Variants in RPS5 observed in about 807,000 individuals in gnomAD.
The protein encoded by RPS5 is ribosomal protein S5.
In RPS5, 2 loss-of-function variants were observed where a neutral mutation model predicts 20.9. The observed-to-expected ratio is 0.10, with a 90% CI of 0.04 to 0.30. The LOEUF is 0.30. RPS5 is among the 10% of genes least tolerant of loss of function. The pLI is 1.00. For missense variants in RPS5, 122 were observed against 287.2 expected (o/e 0.42, Z 4.16); for synonymous variants, 112 against 105.8 (o/e 1.06, Z -0.36).
chr19:58,393,500 C>T lies in RPS5; in HGVS notation c.447+13C>T. The T allele has an allele frequency of 1.2e-6, 2 of 1,604,974 alleles. No homozygotes were observed. The highest frequency in any genetic ancestry group is 1.7e-6 in the Non-Finnish European group (2 of 1,177,172). Reference sequence around the variant, plus strand: ...CCGTGTGAACCAGGTGAGCCTGGGGCTTATGCACGTGGCAGGGTGGACACA... The same window carrying T: ...CCGTGTGAACCAGGTGAGCCTGGGGTTTATGCACGTGGCAGGGTGGACACA... On this transcript the variant is annotated intron_variant, in intron 4 of 5. Transcript: ENST00000196551.
In RPS5 at chr19:58,394,119, G is replaced by A. The variant is rs550316384; in HGVS notation, c.448-378G>A. 2.9e-3 allele frequency: 604 copies of A among 207,232 alleles called. 6 individuals carry two copies. Among genetic ancestry groups the A allele is most frequent in the African/African-American group, 0.013 (579 of 43,568 alleles). The allele number at this position is 207,232 out of a possible 1,614,324, so 12.8% of individuals were successfully genotyped here. A position where few individuals can be genotyped will look rare whatever the true frequency, so the allele number is the denominator to read the frequency against. ...CCTGGCCGCCTTTTTTGTTGTCGTC[G>A]GTTTTTTTGTTTGTAGAGGTGGGGT... On this transcript the variant is annotated intron_variant, in intron 4 of 5. Coordinates refer to ENST00000196551, the MANE Select transcript of RPS5 (RefSeq NM_001009.4).
chr19:58,389,158 G>C (rs2052347816), intron 2 of RPS5, among the ~76,000 whole-genome samples: 1 of 152,086 alleles, frequency 6.6e-6, no homozygotes, highest in African/African-American at 2.4e-5. Flanking sequence ...GCTTTTGTGA[G>C]CCCTTCCTCC....
chr19:58,388,365 G>C, intron 2 of RPS5, 120 bp downstream of exon 2: 1 of 709,344 alleles, frequency 1.4e-6, no homozygotes, highest in South Asian at 1.7e-5. Flanking sequence ...AGGTAAAGAA[G>C]GGATCCCTTG....
chr19:58,394,106 T>G (rs920580583), intron 4 of RPS5: 2 of 206,236 alleles, frequency 9.7e-6, no homozygotes, highest in Non-Finnish European at 2.0e-5. Flanking sequence ...TGGCCGCCTT[T>G]TTTGTTGTCG....
intron 2 of RPS5, 89 bp downstream of exon 2, chr19:58,388,334 G>A (rs1176288052): frequency 1.1e-6 from 1 of 880,792 alleles, no homozygotes; most frequent in Non-Finnish European, 1.9e-6. Context: ...GTGCCATTAA[G>A]TCAAGAATAG....
chr19:58,389,037 G>C (rs935179060), intron 2 of RPS5, among the ~76,000 whole-genome samples: 1 of 152,082 alleles, frequency 6.6e-6, no homozygotes, highest in Admixed American at 6.6e-5. Flanking sequence ...TTGCAATTGG[G>C]AAGTGTGAGT....
rs2052373346 is a variant in RPS5, at chr19:58,392,960, C to T, written c.109-16C>T. 6.2e-7 allele frequency: 1 copy of T among 1,610,980 alleles called. No individual in the cohort carries two copies. The highest frequency in any genetic ancestry group is 8.5e-7 in the Non-Finnish European group (1 of 1,177,642). ...CTGACCATTTTCCCTTCATTTCCTG[C>T]TCCCTGCTGCCCCAGGATTACATTG... On this transcript the variant is annotated splice_polypyrimidine_tract_variant and intron_variant, in intron 2 of 5. Transcript: ENST00000196551.
At chr19:58,391,586 G>C (rs2052364205) in intron 2 of RPS5, among the ~76,000 whole-genome samples, 1 of 151,706 alleles carries the variant, frequency 6.6e-6, no homozygotes, top group Non-Finnish European at 1.5e-5. Context: ...CTGGGTGACA[G>C]AGTGAGACTC....
At chr19:58,387,480 G>A (rs886267194) in intron 1 of RPS5, 141 bp downstream of exon 1, 2 of 152,338 alleles carry the variant, frequency 1.3e-5, no homozygotes, top group African/African-American at 4.8e-5. Flanking sequence ...CGCGGGCCGA[G>A]TTACTCTTGA....
At chr19:58,388,649 T>G in intron 2 of RPS5, 6 of 392,842 alleles carry the variant, frequency 1.5e-5, no homozygotes, top group Non-Finnish European at 2.7e-5. Flanking sequence ...TTTTTTTTTT[T>G]TTTTTTTTTT....
chr19:58,393,737 CTT>C (rs927614331), intron 4 of RPS5: 341 of 371,648 alleles, frequency 9.2e-4, no homozygotes, highest in Middle Eastern at 1.4e-3. Flanking sequence ...TGTATATGTA[CTT>C]TTTTTTTTTT....
intron 4 of RPS5, chr19:58,393,722 CTG>C (rs10655523): frequency 3.7e-5 from 20 of 533,416 alleles, no homozygotes; most frequent in African/African-American, 3.7e-4. Flanking sequence ...TATTTTTACA[CTG>C]TGTGTATATG....
chr19:58,390,085 G>A (rs2052353130), intron 2 of RPS5, among the ~76,000 whole-genome samples: 1 of 152,084 alleles, frequency 6.6e-6, no homozygotes, highest in Non-Finnish European at 1.5e-5. Flanking sequence ...AGTTGAGACA[G>A]GGTTTCATCA....
chr19:58,389,086 AC>A (rs1410951336), intron 2 of RPS5, among the ~76,000 whole-genome samples: 1 of 151,820 alleles, frequency 6.6e-6, no homozygotes, highest in Non-Finnish European at 1.5e-5. Context: ...TTTTACACAT[AC>A]CCTTTTTTTC....
Position 58,393,088 on chromosome 19 carries a change from A to G in RPS5, c.221A>G (p.Asn74Ser), listed in dbSNP as rs1599934838. The G allele has an allele frequency of 6.2e-7, 1 of 1,614,132 alleles. No homozygotes were observed. Among genetic ancestry groups the G allele is most frequent in the African/African-American group, 1.3e-5 (1 of 75,048 alleles). The change falls in exon 3 of 6, where the codon AAC (asparagine) becomes AGC (serine). Residue 74 changes from asparagine (N) to serine (S), a missense_variant. Asn to Ser is a conservative substitution (Grantham distance 46). Transcript: ENST00000196551. ...TGTCCCATTGTGGAGCGCCTCACTA[A>G]CTCCATGATGATGCACGGCCGCAAC... ...AQCPIVERLT[N>S]SMMMHGRNNG...
chr19:58,387,812 G>C, intron 1 of RPS5: 1 of 324,916 alleles, frequency 3.1e-6, no homozygotes, highest in South Asian at 3.4e-5. Context: ...TGTAAATCGC[G>C]AGATTGTGGT....
At chr19:58,393,721 A>AGT (rs1193650197) in intron 4 of RPS5, 8 of 505,540 alleles carry the variant, frequency 1.6e-5, no homozygotes, top group African/African-American at 5.4e-5. Context: ...ATATTTTTAC[A>AGT]CTGTGTGTAT....
intron 1 of RPS5, chr19:58,387,809 C>A: frequency 3.1e-6 from 1 of 323,058 alleles, no homozygotes; most frequent in South Asian, 3.3e-5. Context: ...CCATGTAAAT[C>A]GCGAGATTGT....
At chr19:58,387,954 C>G in intron 1 of RPS5, 183 bp from the exon 2 acceptor site, 2 of 593,358 alleles carry the variant, frequency 3.4e-6, no homozygotes, top group Non-Finnish European at 6.0e-6. Flanking sequence ...AAGACAGATG[C>G]TTCTTGCTGA....
Sources: allele counts gnomAD v4.1 joint callset (sites outside exome capture counted in the v4.1 genomes callset), GRCh38; gene constraint gnomAD v4.1.1; transcripts MANE v1.5; gene names NCBI Gene and HGNC (gene_info 2026-07-23, HGNC 2026-07-21).